Variants in IL1RAPL2 observed in about 807,000 individuals in gnomAD.
IL1RAPL2 encodes the protein X-linked interleukin-1 receptor accessory protein-like 2.
A neutral mutation model predicts 44.1 loss-of-function variants in IL1RAPL2; 3 were observed. The ratio of observed to expected loss-of-function variants is 0.07; its 90% CI spans 0.03 to 0.18. The LOEUF is 0.18. Among genes scored for constraint, IL1RAPL2 ranks in the 10% least tolerant of loss-of-function variants. The probability of loss-of-function intolerance (pLI) is 1.00; values close to 1 mark genes in which losing one functional copy is unlikely to be tolerated. For missense variants in IL1RAPL2, 391 were observed against 496.4 expected (o/e 0.79, Z 2.02); for synonymous variants, 181 against 178.8 (o/e 1.01, Z -0.10).
intron 2 of IL1RAPL2, among the ~76,000 whole-genome samples, chrX:104,798,961 C>G (rs1282014746): frequency 9.0e-6 from 1 of 110,983 alleles, no homozygotes; most frequent in Non-Finnish European, 1.9e-5. Flanking sequence ...AATATGACAT[C>G]CAACTAATTA....
chrX:105,650,138 G>A (rs776322301), intron 6 of IL1RAPL2, among the ~76,000 whole-genome samples: 1 of 111,356 alleles, frequency 9.0e-6, no homozygotes, highest in African/African-American at 3.3e-5. Flanking sequence ...TTGCTGTGGA[G>A]GGCCATCTTG....
intron 2 of IL1RAPL2, among the ~76,000 whole-genome samples, chrX:104,806,613 T>C (rs1253717919): frequency 1.8e-5 from 2 of 112,881 alleles, no homozygotes; most frequent in Non-Finnish European, 3.7e-5. Flanking sequence ...GAAAAAGTCA[T>C]GGAATGGCTT....
chrX:104,585,313 A>AT (rs1928512591), intron 1 of IL1RAPL2, among the ~76,000 whole-genome samples: 1 of 18,591 alleles, frequency 5.4e-5, no homozygotes, highest in Non-Finnish European at 7.6e-5. Context: ...ATATTATATA[A>AT]TATATATTAT....
Position 104,656,790 on chromosome X carries a change from T to A in IL1RAPL2, c.-19-2105T>A, listed in dbSNP as rs899446275. Among the ~76,000 whole-genome samples, 4 of 111,649 alleles carry A rather than the reference T, an allele frequency of 3.6e-5. No homozygotes were observed. In the Admixed American group the frequency reaches 3.8e-4, roughly 11 times the overall value. On this transcript the variant is annotated intron_variant, in intron 1 of 10. Coordinates refer to ENST00000372582, the MANE Select transcript of IL1RAPL2 (RefSeq NM_017416.2). ...GACAGTGGGGTGTTAAAGTCTCCCA[T>A]TATTATTGCATGGCAGTCTACGTCT...
chrX:105,227,077 G>T (rs1286130836), intron 3 of IL1RAPL2, among the ~76,000 whole-genome samples: 7 of 77,662 alleles, frequency 9.0e-5, no homozygotes, highest in African/African-American at 2.9e-4. Context: ...GTTGTGGGGT[G>T]GGGGGAGGGG....
chrX:104,979,092 A>T (rs143677035), intron 2 of IL1RAPL2, among the ~76,000 whole-genome samples: 1,225 of 111,665 alleles, frequency 0.011, 19 homozygotes, highest in African/African-American at 0.037. Context: ...ACTTTACAAT[A>T]TATATTCTAA....
chrX:105,105,806 GTA>G (rs1433412984), intron 2 of IL1RAPL2, among the ~76,000 whole-genome samples: 2 of 111,985 alleles, frequency 1.8e-5, no homozygotes, highest in South Asian at 3.7e-4. Context: ...CATGATACTT[GTA>G]TATATCTGAG....
At chrX:105,653,710 A>C (rs2037657270) in intron 6 of IL1RAPL2, among the ~76,000 whole-genome samples, 1 of 111,533 alleles carries the variant, frequency 9.0e-6, no homozygotes, top group African/African-American at 3.3e-5. Flanking sequence ...ACTCATATGA[A>C]GTTTAACTTG....
intron 2 of IL1RAPL2, among the ~76,000 whole-genome samples, chrX:105,088,241 T>C (rs776381152): frequency 3.6e-5 from 4 of 111,793 alleles, no homozygotes; most frequent in Non-Finnish European, 5.6e-5. Flanking sequence ...AAAGGAGTGC[T>C]AGCTAGCTGG....
intron 6 of IL1RAPL2, among the ~76,000 whole-genome samples, chrX:105,507,333 C>T (rs1413483119): frequency 8.9e-6 from 1 of 111,834 alleles, no homozygotes; most frequent in Non-Finnish European, 1.9e-5. Flanking sequence ...CTCTTGTTTA[C>T]GGCCTCAGTG....
chrX:105,502,547 G>A (rs1463679597), intron 6 of IL1RAPL2, among the ~76,000 whole-genome samples: 2 of 111,023 alleles, frequency 1.8e-5, no homozygotes, highest in Non-Finnish European at 3.8e-5. Flanking sequence ...GGAAGGTATC[G>A]TTATTATTAT....
At chrX:105,221,809 T>C (rs782466668) in intron 3 of IL1RAPL2, among the ~76,000 whole-genome samples, 4 of 111,528 alleles carry the variant, frequency 3.6e-5, no homozygotes, top group Non-Finnish European at 5.6e-5. Flanking sequence ...TAAATTCCTA[T>C]GTTGTCCAAT....
At chrX:105,479,729 A>T (rs980233702) in intron 5 of IL1RAPL2, among the ~76,000 whole-genome samples, 6 of 109,500 alleles carry the variant, frequency 5.5e-5, no homozygotes, top group Non-Finnish European at 9.5e-5. Flanking sequence ...ACAAGAGTGA[A>T]ACTACATCTC....
At chrX:104,944,100 A>G (rs1298082642) in intron 2 of IL1RAPL2, among the ~76,000 whole-genome samples, 2 of 111,573 alleles carry the variant, frequency 1.8e-5, no homozygotes. Flanking sequence ...ACTAATGTAC[A>G]ATTTATGACA....
rs995629938 is a variant in IL1RAPL2 at position 105,134,072 on chromosome X, A to G, written c.83-61403A>G. Among the ~76,000 whole-genome samples the G allele has an allele frequency of 3.6e-5, 4 of 111,833 alleles. No individual in the cohort carries two copies. The East Asian group carries it at 1.1e-3, about 32-fold the overall frequency. On this transcript the variant is annotated intron_variant, in intron 2 of 10. Coordinates refer to ENST00000372582, the MANE Select transcript of IL1RAPL2 (RefSeq NM_017416.2). ...AATTGTCTTTCTAATCTCAGACTGC[A>G]TTTTATTTCCATTTGCTGTTTGACC...
intron 2 of IL1RAPL2, among the ~76,000 whole-genome samples, chrX:105,101,602 TATACTATATAC>T (rs962938049): frequency 1.8e-5 from 2 of 111,403 alleles, no homozygotes; most frequent in African/African-American, 6.5e-5. Context: ...GTGTAACCAA[TATACTATATAC>T]GTAAGTGTAT....
chrX:105,612,077 C>A (rs2037340370), intron 6 of IL1RAPL2, among the ~76,000 whole-genome samples: 1 of 110,835 alleles, frequency 9.0e-6, no homozygotes, highest in Admixed American at 9.6e-5. Context: ...AAGAAACAAC[C>A]AAACATTGTT....
chrX:104,636,811 C>T (rs1213293553), intron 1 of IL1RAPL2, among the ~76,000 whole-genome samples: 2 of 112,103 alleles, frequency 1.8e-5, no homozygotes, highest in African/African-American at 6.5e-5. Context: ...GATGCCTCGC[C>T]CTGCTTTGGC....
intron 2 of IL1RAPL2, among the ~76,000 whole-genome samples, chrX:104,987,803 A>C (rs951493570): frequency 1.8e-5 from 2 of 111,531 alleles, no homozygotes; most frequent in East Asian, 5.7e-4. Context: ...TATGATGTGC[A>C]TATGTGCTTC....
Sources: gnomAD v4.1 joint callset for allele counts (sites outside exome capture counted in the v4.1 genomes callset) on GRCh38, gnomAD v4.1.1 for gene constraint, MANE v1.5 for transcripts, NCBI Gene and HGNC (gene_info 2026-07-23, HGNC 2026-07-21) for gene names.